Variants in GLG1 observed in about 807,000 individuals in gnomAD.
GLG1 encodes the protein Golgi apparatus protein 1.
Under a neutral mutation model 160.5 loss-of-function variants are expected in GLG1, and 38 were observed. That is an observed-to-expected ratio of 0.24 (90% CI 0.18 to 0.31). The LOEUF is 0.31. Among genes scored for constraint, GLG1 ranks in the 10% least tolerant of loss-of-function variants. The pLI is 1.00. For synonymous variants in GLG1, 644 were observed against 543.4 expected, an observed-to-expected ratio of 1.19 and a Z score of -2.57; for missense variants, 1,373 against 1,505.2, an observed-to-expected ratio of 0.91 and a Z score of 1.45.
intron 11 of GLG1, among the ~76,000 whole-genome samples, chr16:74,477,977 A>AAAACAAACAAAT (rs55773213): frequency 0.042 from 5,914 of 140,170 alleles, 172 homozygotes; most frequent in African/African-American, 0.071. Flanking sequence ...CCGTCTCAAA[A>AAAACAAACAAAT]AAATAAATAA....
intron 5 of GLG1, among the ~76,000 whole-genome samples, chr16:74,495,074 T>C (rs992860967): frequency 2.6e-5 from 4 of 151,534 alleles, no homozygotes; most frequent in African/African-American, 9.7e-5. Context: ...TTTTGTTAAT[T>C]AGGGAACCAA....
At position 74,452,474 on chromosome 16, in the gene GLG1, C is replaced by G; in HGVS notation, c.*693G>C. ...GCTTTGCTTCAATGAAGCGAGGAGACCACAGAAATACCCATGGCTGTGGGG... is the reference window on the plus strand; with the variant it reads ...GCTTTGCTTCAATGAAGCGAGGAGAGCACAGAAATACCCATGGCTGTGGGG... On this transcript the variant is annotated 3_prime_UTR_variant, in exon 26 of 26. Transcript: ENST00000422840. 1 of 1,070,336 alleles carries G rather than the reference C, an allele frequency of 9.3e-7. No homozygotes were observed. The highest frequency in any genetic ancestry group is 1.1e-6 in the Non-Finnish European group (1 of 878,832). 66.3% of individuals were successfully genotyped at this position (1,070,336 alleles called of 1,614,324 possible).
intron 2 of GLG1, among the ~76,000 whole-genome samples, chr16:74,511,805 G>A (rs571534044): frequency 1.3e-5 from 2 of 152,160 alleles, no homozygotes; most frequent in Admixed American, 6.5e-5. Flanking sequence ...TTTTTTGAAT[G>A]TCTTCACCTT....
chr16:74,563,299 A>C (rs575151286), intron 1 of GLG1: 2 of 152,314 alleles, frequency 1.3e-5, no homozygotes, highest in East Asian at 3.9e-4. Context: ...GAAAGAGAAC[A>C]CTGGTCCACT....
chr16:74,596,715 G>T (rs1054645206), intron 1 of GLG1, among the ~76,000 whole-genome samples: 2 of 152,194 alleles, frequency 1.3e-5, no homozygotes, highest in African/African-American at 4.8e-5. Flanking sequence ...GGGACAGGGG[G>T]GAAAATGAGC....
At chr16:74,572,314 A>C (rs2018852062) in intron 1 of GLG1, among the ~76,000 whole-genome samples, 1 of 152,048 alleles carries the variant, frequency 6.6e-6, no homozygotes, top group South Asian at 2.1e-4. Flanking sequence ...AGTTCAAGAC[A>C]AGCCTGGCCA....
intron 1 of GLG1, among the ~76,000 whole-genome samples, chr16:74,535,125 A>C (rs1183813615): frequency 2.6e-5 from 4 of 152,186 alleles, no homozygotes; most frequent in Admixed American, 6.5e-5. Context: ...AACCCATGGG[A>C]AAGAAAAACA....
intron 2 of GLG1, among the ~76,000 whole-genome samples, chr16:74,514,459 A>G (rs968945527): frequency 6.6e-6 from 1 of 152,244 alleles, no homozygotes; most frequent in Admixed American, 6.5e-5. Flanking sequence ...AAACCCTACA[A>G]GCAAGACGAG....
intron 23 of GLG1, 45 bp from the exon 24 acceptor site, chr16:74,458,039 T>C (rs777718383): frequency 1.2e-6 from 2 of 1,600,538 alleles, no homozygotes; most frequent in Non-Finnish European, 1.7e-6. Context: ...GAAGGGGAAA[T>C]GCATCAGATC....
chr16:74,600,656 C>A (rs1958420277), intron 1 of GLG1, among the ~76,000 whole-genome samples: 1 of 149,546 alleles, frequency 6.7e-6, no homozygotes. Flanking sequence ...CACTTGAACC[C>A]AGGAGGCAGA....
chr16:74,527,903 G>A (rs2017392097), intron 2 of GLG1, among the ~76,000 whole-genome samples: 1 of 91,966 alleles, frequency 1.1e-5, no homozygotes, highest in South Asian at 3.8e-4. Context: ...TTTTTTTTTT[G>A]AGATGGAGTC....
chr16:74,475,158 A>C (rs2015353004), intron 12 of GLG1, among the ~76,000 whole-genome samples: 1 of 2,104 alleles, frequency 4.8e-4, no homozygotes, highest in Admixed American at 5.6e-3. Flanking sequence ...ACTCCGTCTC[A>C]AAAAAAAAAA....
At chr16:74,475,157 CAAAAAAAAAAAA>C (rs58639513) in intron 12 of GLG1, among the ~76,000 whole-genome samples, 2 of 52,868 alleles carry the variant, frequency 3.8e-5, no homozygotes, top group East Asian at 6.1e-4. Flanking sequence ...AACTCCGTCT[CAAAAAAAAAAAA>C]AAAAAAAAAA....
chr16:74,500,207 T>G (rs933774952), intron 4 of GLG1, among the ~76,000 whole-genome samples: 3 of 152,190 alleles, frequency 2.0e-5, no homozygotes, highest in Non-Finnish European at 2.9e-5. Flanking sequence ...CAAACATTAA[T>G]TAAAGTGAGG....
intron 12 of GLG1, among the ~76,000 whole-genome samples, chr16:74,476,343 C>G (rs1430036410): frequency 1.3e-5 from 2 of 152,158 alleles, no homozygotes; most frequent in Non-Finnish European, 2.9e-5. Flanking sequence ...CAACAGAAAG[C>G]TCAACTATAA....
rs559071295 is a variant in GLG1, at chr16:74,502,761, G to A, written c.774+770C>T. Reference sequence around the variant, plus strand: ...TTTTTTTTGTATTTTTAGTAGAGACGGGGTTTCACCGTGTTAGCCAGGATG... The same window carrying A: ...TTTTTTTTGTATTTTTAGTAGAGACAGGGTTTCACCGTGTTAGCCAGGATG... On this transcript the variant is annotated intron_variant, in intron 4 of 25. Coordinates refer to ENST00000422840, the MANE Select transcript of GLG1 (RefSeq NM_001145667.2). Among the ~76,000 whole-genome samples, 14 of 145,608 alleles carry A rather than the reference G, an allele frequency of 9.6e-5. No individual in the cohort carries two copies. The South Asian group carries it at 2.2e-3, about 23-fold the overall frequency.
At chr16:74,536,330 ATT>A (rs960280346) in intron 1 of GLG1, among the ~76,000 whole-genome samples, 4 of 152,056 alleles carry the variant, frequency 2.6e-5, no homozygotes, top group African/African-American at 9.7e-5. Context: ...AAAACTGAGG[ATT>A]TTTTTTCTTC....
chr16:74,565,959 T>C (rs1465416374), intron 1 of GLG1, among the ~76,000 whole-genome samples: 1 of 152,230 alleles, frequency 6.6e-6, no homozygotes, highest in Non-Finnish European at 1.5e-5. Flanking sequence ...CTCCTTGTTC[T>C]GATGATCTTG....
At chr16:74,571,629 G>T (rs1050374023) in intron 1 of GLG1, among the ~76,000 whole-genome samples, 2 of 150,144 alleles carry the variant, frequency 1.3e-5, no homozygotes, top group African/African-American at 2.5e-5. Context: ...ACTCCAGCCT[G>T]GGCAACAGAG....
Sources: allele counts gnomAD v4.1 joint callset (sites outside exome capture counted in the v4.1 genomes callset), GRCh38; gene constraint gnomAD v4.1.1; transcripts MANE v1.5; gene names NCBI Gene and HGNC (gene_info 2026-07-23, HGNC 2026-07-21).